CNP: variants seen among roughly 807,000 people sequenced by gnomAD.
The protein encoded by CNP is 2',3'-cyclic nucleotide 3' phosphodiesterase.
CNP carries 8 observed loss-of-function variants against 37.9 expected under a neutral mutation model. That is an observed-to-expected ratio of 0.21 (90% CI 0.12 to 0.38). The LOEUF is 0.38. Among genes scored for constraint, CNP ranks in the 10% least tolerant of loss-of-function variants. The pLI is 1.00. For synonymous variants in CNP, 237 were observed against 238.3 expected, an observed-to-expected ratio of 0.99 and a Z score of 0.05; for missense variants, 457 against 551.0, an observed-to-expected ratio of 0.83 and a Z score of 1.71.
Position 41,973,785 on chromosome 17 carries a change from G to T in CNP, c.1127G>T (p.Gly376Val). The T allele has an allele frequency of 6.2e-7, 1 of 1,612,778 alleles. No homozygotes were observed. The highest frequency in any genetic ancestry group is 1.7e-5 in the Admixed American group (1 of 59,856). The change falls in exon 4 of 4, where the codon GGC (glycine) becomes GTC (valine). Residue 376 changes from glycine to valine, a missense_variant. Coordinates refer to ENST00000393892, the MANE Select transcript of CNP (RefSeq NM_033133.5). Reference sequence around the variant, plus strand: ...AGCCGGGGCAAGCTCTATTCCTTGGGCAATGGGCGCTGGATGCTGACCCTG... The same window carrying T: ...AGCCGGGGCAAGCTCTATTCCTTGGTCAATGGGCGCTGGATGCTGACCCTG... The part of the protein sequence containing the change: ...ELSRGKLYSL[G>V]NGRWMLTLAK...
In CNP at chr17:41,968,433, C is replaced by T. The variant is rs782083973; in HGVS notation, c.369C>T (p.Asp123=). Residue 123 remains aspartate, a synonymous_variant, in exon 2 of 4, where the codon GAC becomes GAT. Coordinates refer to ENST00000393892, the MANE Select transcript of CNP (RefSeq NM_033133.5). The surrounding 1 kb of genome is among the most constrained non-coding windows in gnomAD (Gnocchi z 4.8). ...RRDIRILVLD[D]TNHERERLEQ... is the part of the protein sequence containing the mutation. Reference sequence around the variant, plus strand: ...ACATCAGAATTCTTGTGCTTGATGACACCAACCACGAACGGGAACGGCTGG... The same window carrying T: ...ACATCAGAATTCTTGTGCTTGATGATACCAACCACGAACGGGAACGGCTGG... 14 of 1,614,208 alleles carry T rather than the reference C, an allele frequency of 8.7e-6. No individual in the cohort carries two copies. Among genetic ancestry groups the T allele is most frequent in the Non-Finnish European group, 1.2e-5 (14 of 1,180,038 alleles).
chr17:41,966,999 C>T, intron 1 of CNP, 112 bp downstream of exon 1: 1 of 1,202,022 alleles, frequency 8.3e-7, no homozygotes. Flanking sequence ...CCGGGTTCGA[C>T]TTCCAGTTTT....
At chr17:41,969,473 C>T (rs1384351748) in intron 2 of CNP, among the ~76,000 whole-genome samples, 2 of 152,208 alleles carry the variant, frequency 1.3e-5, no homozygotes, top group Non-Finnish European at 2.9e-5. Context: ...GTCCTGGTGG[C>T]TCTCCTGGAG....
In CNP at chr17:41,973,808, C is replaced by T. The variant is rs374583295; in HGVS notation, c.1150C>T (p.Leu384=). 1.2e-5 allele frequency: 19 copies of T among 1,612,196 alleles called. No homozygotes were observed. The highest frequency in any genetic ancestry group is 1.6e-5 in the Non-Finnish European group (19 of 1,179,096). ...SLGNGRWMLT[L]AKNMEVRAIF... ...GGGCAATGGGCGCTGGATGCTGACCCTGGCCAAGAACATGGAGGTCAGGGC... is the reference window on the plus strand; with the variant it reads ...GGGCAATGGGCGCTGGATGCTGACCTTGGCCAAGAACATGGAGGTCAGGGC... The change falls in exon 4 of 4, where the codon CTG becomes TTG. Residue 384 remains leucine, a synonymous_variant. Coordinates refer to ENST00000393892, the MANE Select transcript of CNP (RefSeq NM_033133.5).
intron 2 of CNP, chr17:41,971,401 T>C (rs1555643781): frequency 6.6e-6 from 1 of 151,734 alleles, no homozygotes; most frequent in Non-Finnish European, 1.5e-5. Flanking sequence ...TTTTAACTTT[T>C]TTTTTTTTTT....
chr17:41,967,747 G>A, intron 1 of CNP: 4 of 1,096,314 alleles, frequency 3.6e-6, no homozygotes, highest in Non-Finnish European at 3.3e-6. Flanking sequence ...CAAAGAGGAC[G>A]TCCTTAGTAG....
chr17:41,971,928 T>C lies in CNP; in HGVS notation c.713T>C (p.Leu238Ser). 2 of 1,613,832 alleles carry C rather than the reference T, an allele frequency of 1.2e-6. No homozygotes were observed. Among genetic ancestry groups the C allele is most frequent in the Non-Finnish European group, 1.7e-6 (2 of 1,179,916 alleles). ...PGDEPREKMD[L>S]VTYFGKRPPG... ...GATGAGCCCAGGGAGAAGATGGACTTGGTCACCTACTTTGGAAAGAGACCC... is the reference window on the plus strand; with the variant it reads ...GATGAGCCCAGGGAGAAGATGGACTCGGTCACCTACTTTGGAAAGAGACCC... Residue 238 changes from leucine (L) to serine (S), a missense_variant, in exon 3 of 4, where the codon TTG (leucine) becomes TCG (serine). Around this residue, in one of 2 missense-constraint regions of CNP, gnomAD observed 291 missense variants for 291.7 expected, o/e 1.00. Transcript: ENST00000393892.
At chr17:41,967,064 C>A in intron 1 of CNP, 177 bp downstream of exon 1, 3 of 585,776 alleles carry the variant, frequency 5.1e-6, no homozygotes, top group South Asian at 7.5e-5. Context: ...TTTTGGGGTG[C>A]CGGAGAGGCC....
Position 41,971,887 on chromosome 17 carries a change from G to T in CNP, c.677-5G>T. On this transcript the variant is annotated splice_polypyrimidine_tract_variant and splice_region_variant and intron_variant, in intron 2 of 3. Coordinates refer to ENST00000393892, the MANE Select transcript of CNP (RefSeq NM_033133.5). ...GCCCTGACTGCACCCGTTTTCTCCC[G>T]GCAGTCGTCCCTGGGGATGAGCCCA... 6.2e-7 allele frequency: 1 copy of T among 1,613,596 alleles called. No homozygotes were observed. Among genetic ancestry groups the T allele is most frequent in the South Asian group, 1.1e-5 (1 of 91,036 alleles).
At chr17:41,972,145 C>T in intron 3 of CNP, 114 bp downstream of exon 3, 1 of 1,333,232 alleles carries the variant, frequency 7.5e-7, no homozygotes, top group Non-Finnish European at 1.0e-6. Flanking sequence ...CAGATGGCAG[C>T]TCAAGAAAAA....
intron 3 of CNP, among the ~76,000 whole-genome samples, 184 bp downstream of exon 3, chr17:41,972,215 A>G (rs1376853916): frequency 6.6e-5 from 10 of 151,784 alleles, no homozygotes; most frequent in Non-Finnish European, 7.4e-5. Flanking sequence ...CCTCAGCCGC[A>G]GGTTCTAAGG....
chr17:41,972,041 C>T lies in CNP; in HGVS notation c.816+10C>T. 2 of 1,612,952 alleles carry T rather than the reference C, an allele frequency of 1.2e-6. No homozygotes were observed. Among genetic ancestry groups the T allele is most frequent in the Non-Finnish European group, 1.7e-6 (2 of 1,179,270 alleles). On this transcript the variant is annotated intron_variant, in intron 3 of 3. Transcript: ENST00000393892. ...GTACGCTCAACAAGATGTGAGTCTT[C>T]CCCAGGGACACATGGGGGAGGTGGG...
chr17:41,973,776 A>G lies in CNP; in HGVS notation c.1118A>G (p.Tyr373Cys), dbSNP rs782067807. The G allele has an allele frequency of 5.0e-6, 8 of 1,612,712 alleles. No homozygotes were observed. Among genetic ancestry groups the G allele is most frequent in the African/African-American group, 1.3e-5 (1 of 74,910 alleles). The change falls in exon 4 of 4, where the codon TAT (tyrosine) becomes TGT (cysteine). Residue 373 changes from tyrosine to cysteine, a missense_variant. Coordinates refer to ENST00000393892, the MANE Select transcript of CNP (RefSeq NM_033133.5). Reference protein sequence around the residue: ...EVGELSRGKLYSLGNGRWMLT... With the variant: ...EVGELSRGKLCSLGNGRWMLT... The stretch of plus-strand genomic sequence containing the variant: ...GGCGAGCTAAGCCGGGGCAAGCTCT[A>G]TTCCTTGGGCAATGGGCGCTGGATG...
Position 41,968,058 on chromosome 17 carries a change from C to A in CNP, c.4-10C>A. ...GACCTGGGCTGACATCTCTTCCCCT[C>A]CTTACACAGAACAGAGGCTTCTCCC... On this transcript the variant is annotated splice_polypyrimidine_tract_variant and intron_variant, in intron 1 of 3. Coordinates refer to ENST00000393892, the MANE Select transcript of CNP (RefSeq NM_033133.5). The surrounding 1 kb of genome is among the most constrained non-coding windows in gnomAD (Gnocchi z 4.8). 6.2e-7 allele frequency: 1 copy of A among 1,606,346 alleles called. No homozygotes were observed. Among genetic ancestry groups the A allele is most frequent in the Non-Finnish European group, 8.5e-7 (1 of 1,175,446 alleles).
chr17:41,973,378 T>C (rs1219004828), intron 3 of CNP, 97 bp from the exon 4 acceptor site: 2 of 1,172,776 alleles, frequency 1.7e-6, no homozygotes, highest in South Asian at 2.8e-5. Flanking sequence ...TCTGTTAGAC[T>C]TCCCCTTCTC....
Position 41,976,696 on chromosome 17 carries a change from A to C in CNP, c.*2772A>C. 1.2e-6 allele frequency: 2 copies of C among 1,606,504 alleles called. No individual in the cohort carries two copies. Among genetic ancestry groups the C allele is most frequent in the Non-Finnish European group, 1.7e-6 (2 of 1,177,916 alleles). On this transcript the variant is annotated 3_prime_UTR_variant, in exon 4 of 4. Coordinates refer to ENST00000393892, the MANE Select transcript of CNP (RefSeq NM_033133.5). ...TCCACATTCAAGATTAAACTGAGTG[A>C]ATCTGCATTTTCTGGGTTCTGGGTG...
Position 41,977,277 on chromosome 17 carries a change from G to T in CNP, c.*3353G>T, listed in dbSNP as rs1439331263. ...CCCACCTACCTTCAAAGCTGAAGCCGCCAGGACCGCCAAAGAATGCCTTGA... is the reference window on the plus strand; with the variant it reads ...CCCACCTACCTTCAAAGCTGAAGCCTCCAGGACCGCCAAAGAATGCCTTGA... On this transcript the variant is annotated 3_prime_UTR_variant, in exon 4 of 4. Coordinates refer to ENST00000393892, the MANE Select transcript of CNP (RefSeq NM_033133.5). The T allele has an allele frequency of 6.3e-6, 10 of 1,582,662 alleles. No homozygotes were observed. The highest frequency in any genetic ancestry group is 7.7e-6 in the Non-Finnish European group (9 of 1,164,556).
Position 41,973,725 on chromosome 17 carries a change from A to AG in CNP, c.1073dup (p.Ser359GlnfsTer51), listed in dbSNP as rs781807577. 3 of 1,611,746 alleles carry AG rather than the reference A, an allele frequency of 1.9e-6. No individual in the cohort carries two copies. The highest frequency in any genetic ancestry group is 1.7e-6 in the Non-Finnish European group (2 of 1,178,590). On this transcript the variant is annotated frameshift_variant, in exon 4 of 4. Transcript: ENST00000393892. LOFTEE classifies it high-confidence loss of function. ...CTCTTAGAGATTCTGCGGCAGGAGA[A>AG]GGGGGGCAGCCGAGGCGAGGAGGTG...
At chr17:41,966,916 G>A in intron 1 of CNP, 29 bp downstream of exon 1, 1 of 1,319,912 alleles carries the variant, frequency 7.6e-7, no homozygotes, top group Non-Finnish European at 9.7e-7. Context: ...CCGGGCACGG[G>A]GTAGCACCAG....
Sources: allele counts gnomAD v4.1 joint callset (sites outside exome capture counted in the v4.1 genomes callset), GRCh38; gene constraint gnomAD v4.1.1; regional missense constraint gnomAD v4.1.1; non-coding constraint Gnocchi (gnomAD v3.1); transcripts MANE v1.5; gene names NCBI Gene and HGNC (gene_info 2026-07-23, HGNC 2026-07-21).